UTRN: variants seen among roughly 807,000 people sequenced by gnomAD.
The protein encoded by UTRN is utrophin, also known as dystrophin-related protein 1.
A neutral mutation model predicts 463.9 loss-of-function variants in UTRN; 283 were observed. The observed-to-expected ratio is 0.61, with a 90% CI of 0.55 to 0.67. The LOEUF (loss-of-function observed/expected upper bound fraction) is 0.67, where lower values mean the gene tolerates loss of function less well. Ranked by LOEUF, UTRN falls within the 30% of genes least tolerant of loss-of-function variation. The probability of loss-of-function intolerance (pLI) is 0.00; values close to 1 mark genes in which losing one functional copy is unlikely to be tolerated. For synonymous variants in UTRN, 1,442 were observed against 1,431.5 expected, an observed-to-expected ratio of 1.01 and a Z score of -0.17; for missense variants, 3,922 against 4,084.3, an observed-to-expected ratio of 0.96 and a Z score of 1.08.
rs368886049 is a variant in UTRN, at chr6:144,423,673, T to G, written c.312+47T>G. On this transcript the variant is annotated intron_variant, in intron 5 of 74. Coordinates refer to ENST00000367545, the MANE Select transcript of UTRN (RefSeq NM_007124.3). ...TGGGGGTCTGTGCTGCCATCAGCAT[T>G]ATTTATTGTGAAACTCACCAACTGC... 22 of 1,599,340 alleles carry G rather than the reference T, an allele frequency of 1.4e-5. No homozygotes were observed. In the African/African-American group the frequency reaches 2.0e-4, roughly 15 times the overall value.
At chr6:144,363,789 A>G (rs1362357425) in intron 2 of UTRN, among the ~76,000 whole-genome samples, 2 of 152,214 alleles carry the variant, frequency 1.3e-5, no homozygotes, top group Admixed American at 6.5e-5. Flanking sequence ...TGCTGTGGAT[A>G]CTGATGGCAA....
chr6:144,573,969 A>T (rs938919522), intron 50 of UTRN, among the ~76,000 whole-genome samples: 1 of 152,226 alleles, frequency 6.6e-6, no homozygotes, highest in Admixed American at 6.5e-5. Flanking sequence ...ACTCATAACA[A>T]GGATACTGAA....
At chr6:144,789,463 A>C (rs1212170251) in intron 62 of UTRN, among the ~76,000 whole-genome samples, 184 bp downstream of exon 62, 1 of 152,160 alleles carries the variant, frequency 6.6e-6, no homozygotes, top group Non-Finnish European at 1.5e-5. Flanking sequence ...CTTTGTGTGA[A>C]ATGGAAAGCT....
At position 144,428,839 on chromosome 6, in the gene UTRN, G is replaced by A; in HGVS notation, c.640G>A (p.Ala214Thr). The A allele has an allele frequency of 6.2e-7, 1 of 1,612,498 alleles. No homozygotes were observed. Among genetic ancestry groups the A allele is most frequent in the Non-Finnish European group, 8.5e-7 (1 of 1,179,538 alleles). The change falls in exon 8 of 75, where the codon GCC becomes ACC. Residue 214 changes from alanine to threonine, a missense_variant. By Grantham distance (58) the Ala-to-Thr change is moderately conservative (BLOSUM62 0). This residue lies in a region of UTRN where 264 missense variants were observed against 327.9 expected (regional missense o/e 0.81). Transcript: ENST00000367545. ...GTCACCAATTGAGAGACTTGAACATGCCTTCAGCAAGGCTCAAACTTATTT... is the reference window on the plus strand; with the variant it reads ...GTCACCAATTGAGAGACTTGAACATACCTTCAGCAAGGCTCAAACTTATTT... ...KMSPIERLEH[A>T]FSKAQTYLGI...
At chr6:144,728,366 G>A (rs1407026300) in intron 53 of UTRN, among the ~76,000 whole-genome samples, 1 of 151,864 alleles carries the variant, frequency 6.6e-6, no homozygotes, top group Non-Finnish European at 1.5e-5. Flanking sequence ...ACTGGCTCAA[G>A]ACTTGTAAAT....
At chr6:144,647,607 C>A (rs1175142864) in intron 51 of UTRN, among the ~76,000 whole-genome samples, 1 of 152,234 alleles carries the variant, frequency 6.6e-6, no homozygotes, top group Admixed American at 6.5e-5. Flanking sequence ...AGCTGCTTAT[C>A]TGGAGCTTTG....
intron 51 of UTRN, among the ~76,000 whole-genome samples, chr6:144,589,973 T>C (rs1450523099): frequency 6.6e-6 from 1 of 151,870 alleles, no homozygotes; most frequent in Non-Finnish European, 1.5e-5. Context: ...CGCCTCAGCC[T>C]CTCGAGTAGC....
At position 144,554,710 on chromosome 6, in the gene UTRN, G is replaced by A; in HGVS notation, c.6951G>A (p.Trp2317Ter). 6.2e-7 allele frequency: 1 copy of A among 1,613,886 alleles called. No individual in the cohort carries two copies. The highest frequency in any genetic ancestry group is 8.5e-7 in the Non-Finnish European group (1 of 1,179,946). Reference sequence around the variant, plus strand: ...CAGTGGAAAGGGTCAAGAACCAGTGGGATGGCACCCAGCATGGCGTTGAGC... The same window carrying A: ...CAGTGGAAAGGGTCAAGAACCAGTGAGATGGCACCCAGCATGGCGTTGAGC... ...TEKLERVKNQ[W>*]DGTQHGVELR... Residue 2317 changes from tryptophan to a stop codon, truncating the protein, a stop_gained, in exon 49 of 75, where the codon TGG becomes TGA. Coordinates refer to ENST00000367545, the MANE Select transcript of UTRN (RefSeq NM_007124.3). LOFTEE classifies it high-confidence loss of function.
intron 2 of UTRN, among the ~76,000 whole-genome samples, chr6:144,394,368 A>G (rs1342046619): frequency 6.6e-6 from 1 of 152,084 alleles, no homozygotes; most frequent in Admixed American, 6.5e-5. Flanking sequence ...GAAAGGGGAA[A>G]CCCCTTATAA....
At chr6:144,319,447 C>T (rs9484866) in intron 2 of UTRN, among the ~76,000 whole-genome samples, 8,778 of 152,304 alleles carry the variant, frequency 0.058, 859 homozygotes, top group African/African-American at 0.2. Context: ...TGACTAACAT[C>T]TTTCTGCTTC....
Position 144,490,337 on chromosome 6 carries a change from A to G in UTRN, c.4263+138A>G, listed in dbSNP as rs146897568. On this transcript the variant is annotated intron_variant, in intron 31 of 74. Transcript: ENST00000367545. ...TGGGATGGGAGTGATGATGTGTTGA[A>G]GGTTGCATCCTAGGGCAGCAGAAAC... The G allele has an allele frequency of 3.4e-4, 436 of 1,269,388 alleles. 3 individuals are homozygous for G. In the African/African-American group the frequency reaches 5.5e-3, roughly 16 times the overall value. 78.6% of individuals were successfully genotyped at this position (1,269,388 alleles called of 1,614,324 possible).
At chr6:144,769,483 C>T (rs186502591) in intron 58 of UTRN, among the ~76,000 whole-genome samples, 1 of 152,248 alleles carries the variant, frequency 6.6e-6, no homozygotes, top group African/African-American at 2.4e-5. Context: ...GTGTGTGTTC[C>T]GTCAGCTCTC....
At position 144,406,336 on chromosome 6, in the gene UTRN, C is replaced by T. The variant is rs566871112; in HGVS notation, c.141+3152C>T. On this transcript the variant is annotated intron_variant, in intron 3 of 74. Transcript: ENST00000367545. ...TCCATGCTCCACCTTCTCCATCTCCCTTTCCTTTTTTTTTCTTTTCTTTTT... is the reference window on the plus strand; with the variant it reads ...TCCATGCTCCACCTTCTCCATCTCCTTTTCCTTTTTTTTTCTTTTCTTTTT... 2.1e-5 allele frequency among the ~76,000 whole-genome samples: 3 copies of T among 146,194 alleles called. No homozygotes were observed. In the South Asian group the frequency reaches 6.7e-4, roughly 33 times the overall value.
At chr6:144,542,996 T>G in intron 46 of UTRN, 126 bp downstream of exon 46, 1 of 779,596 alleles carries the variant, frequency 1.3e-6, no homozygotes, top group South Asian at 1.8e-5. Context: ...TTAATCTACT[T>G]TCAATGATTT....
chr6:144,385,899 A>G (rs1434202848), intron 2 of UTRN, among the ~76,000 whole-genome samples: 1 of 151,922 alleles, frequency 6.6e-6, no homozygotes, highest in Admixed American at 6.6e-5. Context: ...AGTAGAGACA[A>G]GGTTTCATCA....
chr6:144,441,469 G>T (rs560908781), intron 13 of UTRN, among the ~76,000 whole-genome samples: 4 of 152,318 alleles, frequency 2.6e-5, no homozygotes, highest in Non-Finnish European at 2.9e-5. Context: ...TCCAGGTCAC[G>T]CCTATGCAAG....
At chr6:144,482,443 T>G (rs1245464436) in intron 27 of UTRN, 55 bp downstream of exon 27, 7 of 1,124,920 alleles carry the variant, frequency 6.2e-6, no homozygotes, top group Admixed American at 8.5e-5. Flanking sequence ...TTATTATTAT[T>G]TTCAGTGATG....
intron 50 of UTRN, among the ~76,000 whole-genome samples, chr6:144,575,377 T>C (rs1801337517): frequency 6.6e-6 from 1 of 152,160 alleles, no homozygotes. Flanking sequence ...TATGTATATA[T>C]ACAGATAGAA....
chr6:144,458,908 A>G lies in UTRN; in HGVS notation c.2423A>G (p.Asp808Gly), dbSNP rs1391277557. The change falls in exon 20 of 75, where the codon GAT becomes GGT. Residue 808 changes from aspartate (D) to glycine (G), a missense_variant. Around this residue, in one of 3 missense-constraint regions of UTRN, gnomAD observed 2,349 missense variants for 2,303.8 expected, o/e 1.02. Coordinates refer to ENST00000367545, the MANE Select transcript of UTRN (RefSeq NM_007124.3). ...EDINAYFKQL[D>G]ELEKVIKTKE... ...ATAAATGCTTATTTCAAGCAGCTTGATGAGCTTGAAAAGGTCATCAAGACA... is the reference window on the plus strand; with the variant it reads ...ATAAATGCTTATTTCAAGCAGCTTGGTGAGCTTGAAAAGGTCATCAAGACA... 1 of 1,613,928 alleles carries G rather than the reference A, an allele frequency of 6.2e-7. No individual in the cohort carries two copies.
Sources: allele counts gnomAD v4.1 joint callset (sites outside exome capture counted in the v4.1 genomes callset), GRCh38; gene constraint gnomAD v4.1.1; regional missense constraint gnomAD v4.1.1; transcripts MANE v1.5; gene names NCBI Gene and HGNC (gene_info 2026-07-23, HGNC 2026-07-21).